PIKFYVE: variants seen among roughly 807,000 people sequenced by gnomAD.
The protein encoded by PIKFYVE is phosphoinositide kinase, FYVE-type zinc finger containing.
Under a neutral mutation model 257.9 loss-of-function variants are expected in PIKFYVE, and 122 were observed. The ratio of observed to expected loss-of-function variants is 0.47; its 90% CI spans 0.41 to 0.55. The LOEUF is 0.55. PIKFYVE is among the 20% of genes least tolerant of loss of function. The pLI, the probability that PIKFYVE is intolerant of heterozygous loss-of-function variation, is 0.00. For synonymous variants in PIKFYVE, 892 were observed against 868.9 expected (o/e 1.03, Z -0.47); for missense variants, 2,160 against 2,536.6 (o/e 0.85, Z 3.19).
chr2:208,315,343 G>A lies in PIKFYVE; in HGVS notation c.1977G>A (p.Met659Ile). The change falls in exon 15 of 42, where the codon ATG becomes ATA. Residue 659 changes from methionine to isoleucine, a missense_variant. Physicochemically the swap from Met to Ile is conservative, Grantham distance 10 (BLOSUM62 1). Around this residue, in one of 12 missense-constraint regions of PIKFYVE, gnomAD observed 346 missense variants for 365.6 expected, o/e 0.95. Coordinates refer to ENST00000264380, the MANE Select transcript of PIKFYVE (RefSeq NM_015040.4). ...ATGTCAAGAACCAGGATGATGACATGGATATCCGTCAGTTTGTCCACATCA... is the reference window on the plus strand; with the variant it reads ...ATGTCAAGAACCAGGATGATGACATAGATATCCGTCAGTTTGTCCACATCA... Reference protein sequence around the residue: ...RPDVKNQDDDMDIRQFVHIKK... With the variant: ...RPDVKNQDDDIDIRQFVHIKK... 6.2e-7 allele frequency: 1 copy of A among 1,614,116 alleles called. No individual in the cohort carries two copies. Among genetic ancestry groups the A allele is most frequent in the Non-Finnish European group, 8.5e-7 (1 of 1,180,000 alleles).
At chr2:208,274,044 GA>G (rs1466855783) in intron 3 of PIKFYVE, 1 of 1,611,990 alleles carries the variant, frequency 6.2e-7, no homozygotes, top group African/African-American at 1.3e-5. Context: ...ACATCCCCAG[GA>G]GAACACAGGT....
In PIKFYVE at chr2:208,324,129, T is replaced by A. The variant is rs1696638053; in HGVS notation, c.2191-13T>A. On this transcript the variant is annotated splice_polypyrimidine_tract_variant and intron_variant, in intron 17 of 41. Transcript: ENST00000264380. Reference sequence around the variant, plus strand: ...TTTTACCAGGTGTAATATTTCTGATTTATCTTACTTAGGAAAGGGAATTCT... The same window carrying A: ...TTTTACCAGGTGTAATATTTCTGATATATCTTACTTAGGAAAGGGAATTCT... 6.2e-7 allele frequency: 1 copy of A among 1,610,804 alleles called. No homozygotes were observed. The highest frequency in any genetic ancestry group is 8.5e-7 in the Non-Finnish European group (1 of 1,177,250).
chr2:208,299,953 C>T (rs984609994), intron 8 of PIKFYVE, among the ~76,000 whole-genome samples: 1 of 151,978 alleles, frequency 6.6e-6, no homozygotes, highest in Non-Finnish European at 1.5e-5. Flanking sequence ...GGGTTTGAGG[C>T]TGTAGGGTGC....
intron 14 of PIKFYVE, 106 bp from the exon 15 acceptor site, chr2:208,315,087 C>A: frequency 9.8e-7 from 1 of 1,020,126 alleles, no homozygotes; most frequent in Non-Finnish European, 1.5e-6. Context: ...ATCTGTGAGC[C>A]GTAATTGAAA....
intron 34 of PIKFYVE, 96 bp from the exon 35 acceptor site, chr2:208,347,763 T>C (rs1699366853): frequency 6.9e-6 from 7 of 1,020,696 alleles, no homozygotes; most frequent in South Asian, 1.4e-5. Flanking sequence ...TAGCTTCATA[T>C]AGTGGTTACA....
chr2:208,306,687 C>T (rs973971492), intron 12 of PIKFYVE, among the ~76,000 whole-genome samples: 12 of 152,086 alleles, frequency 7.9e-5, no homozygotes, highest in Non-Finnish European at 1.5e-5. Flanking sequence ...TATGGTGCAA[C>T]CCCAGATTGT....
intron 15 of PIKFYVE, among the ~76,000 whole-genome samples, chr2:208,315,941 T>C (rs1559110624): frequency 6.6e-6 from 1 of 151,294 alleles, no homozygotes; most frequent in African/African-American, 2.4e-5. Flanking sequence ...TAGTTACATA[T>C]GTATACATGT....
At chr2:208,304,554 A>G (rs1009755422) in intron 11 of PIKFYVE, among the ~76,000 whole-genome samples, 1 of 152,200 alleles carries the variant, frequency 6.6e-6, no homozygotes, top group Non-Finnish European at 1.5e-5. Context: ...AAATAACTGA[A>G]CTAATAATAT....
intron 5 of PIKFYVE, 35 bp from the exon 6 acceptor site, chr2:208,285,691 A>G (rs913375021): frequency 1.3e-6 from 2 of 1,572,078 alleles, no homozygotes; most frequent in African/African-American, 2.7e-5. Flanking sequence ...TTTTCCTTCA[A>G]TTTCCTTGTT....
chr2:208,280,679 T>C (rs1395259062), intron 5 of PIKFYVE, among the ~76,000 whole-genome samples: 1 of 152,234 alleles, frequency 6.6e-6, no homozygotes, highest in African/African-American at 2.4e-5. Context: ...CTGGATCATC[T>C]GTAAGTGGCT....
chr2:208,273,603 G>A lies in PIKFYVE; in HGVS notation c.192G>A (p.Gln64=). ...RFNKERAEGG[Q]GEQQPLSGSW... is the part of the protein sequence containing the mutation. ...CTACAGAGAGAGCAGAAGGAGGCCA[G>A]GGAGAACAGCAGCCTTTGAGTGGAA... Residue 64 remains glutamine (Q), a synonymous_variant, in exon 3 of 42, where the codon CAG becomes CAA. Transcript: ENST00000264380. 2 of 1,614,194 alleles carry A rather than the reference G, an allele frequency of 1.2e-6. No homozygotes were observed. The highest frequency in any genetic ancestry group is 1.7e-6 in the Non-Finnish European group (2 of 1,180,034).
At chr2:208,322,865 G>A (rs1172969881) in intron 17 of PIKFYVE, among the ~76,000 whole-genome samples, 1 of 104,898 alleles carries the variant, frequency 9.5e-6, no homozygotes, top group East Asian at 2.6e-4. Flanking sequence ...CCCATGACAG[G>A]CCCCCGTGTA....
rs1173734128 is a variant in PIKFYVE, at chr2:208,304,315, G to A, written c.1465G>A (p.Ala489Thr). Residue 489 changes from alanine (A) to threonine (T), a missense_variant, in exon 11 of 42, where the codon GCT (alanine) becomes ACT (threonine). Transcript: ENST00000264380. ...AGCTGAAGAAGGTGACGATAATTTG[G>A]CTAGTGAGTTTAACTTTCTAACATT... ...QIAEEGDDNL[A>T]NSASPSKRTS... 6.2e-7 allele frequency: 1 copy of A among 1,613,838 alleles called. No individual in the cohort carries two copies. Among genetic ancestry groups the A allele is most frequent in the African/African-American group, 1.3e-5 (1 of 74,920 alleles).
chr2:208,315,576 A>T (rs970616993), intron 15 of PIKFYVE, among the ~76,000 whole-genome samples: 1 of 152,218 alleles, frequency 6.6e-6, no homozygotes, highest in African/African-American at 2.4e-5. Flanking sequence ...AATGGAAAGG[A>T]TGAGTTATAT....
intron 28 of PIKFYVE, among the ~76,000 whole-genome samples, chr2:208,337,435 G>C (rs1698250209): frequency 6.6e-6 from 1 of 151,692 alleles, no homozygotes; most frequent in Non-Finnish European, 1.5e-5. Flanking sequence ...TATCTATATA[G>C]ATATTTATAG....
rs561225790 is a variant in PIKFYVE at position 208,351,985 on chromosome 2, G to A, written c.5715+530G>A. 5.2e-4 allele frequency among the ~76,000 whole-genome samples: 79 copies of A among 152,098 alleles called. 1 individual carries two copies. Among genetic ancestry groups the A allele is most frequent in the African/African-American group, 1.6e-3 (65 of 41,516 alleles). On this transcript the variant is annotated intron_variant, in intron 38 of 41. Coordinates refer to ENST00000264380, the MANE Select transcript of PIKFYVE (RefSeq NM_015040.4). ...TTTTCTCTGTGGTAAGATATATGCA[G>A]GACACAAATTGATCTCTGTTATGCT...
At chr2:208,316,230 A>C (rs572438611) in intron 15 of PIKFYVE, among the ~76,000 whole-genome samples, 80 of 152,292 alleles carry the variant, frequency 5.3e-4, no homozygotes, top group African/African-American at 1.9e-3. Flanking sequence ...GTTGCATAGC[A>C]TTCCATGGTG....
rs67368199 is a variant in PIKFYVE, at chr2:208,268,578, C to CTT, written c.-10+2173_-10+2174dup. 1.3e-3 allele frequency among the ~76,000 whole-genome samples: 182 copies of CTT among 145,062 alleles called. 3 individuals carry two copies. Among genetic ancestry groups the CTT allele is most frequent in the South Asian group, 9.0e-3 (41 of 4,570 alleles). On this transcript the variant is annotated intron_variant, in intron 1 of 41. Coordinates refer to ENST00000264380, the MANE Select transcript of PIKFYVE (RefSeq NM_015040.4). ...GACATGAGGCCACAGTGCCTGGCCT[C>CTT]TTTTTTTTTTTAATATAAAAAAAAC...
In PIKFYVE at chr2:208,271,588, T is replaced by C; in HGVS notation, c.69T>C (p.Ser23=). ...ATGATTTGCCTCGATCTCCTACTAG[T>C]CCTTCTCATCTCACACACTTTAAAC... ...SANDLPRSPT[S]PSHLTHFKPL... Residue 23 remains serine (S), a synonymous_variant, in exon 2 of 42, where the codon AGT becomes AGC. Coordinates refer to ENST00000264380, the MANE Select transcript of PIKFYVE (RefSeq NM_015040.4). The C allele has an allele frequency of 6.2e-7, 1 of 1,614,076 alleles. No homozygotes were observed. The highest frequency in any genetic ancestry group is 8.5e-7 in the Non-Finnish European group (1 of 1,179,922).
Sources: gnomAD v4.1 joint callset for allele counts (sites outside exome capture counted in the v4.1 genomes callset) on GRCh38, gnomAD v4.1.1 for gene constraint, gnomAD v4.1.1 regional missense constraint, MANE v1.5 for transcripts, NCBI Gene and HGNC (gene_info 2026-07-23, HGNC 2026-07-21) for gene names.